The following STX6 variants were observed in gnomAD, a reference collection of about 807,000 sequenced individuals.
STX6 encodes the protein syntaxin 6.
In STX6, 23 loss-of-function variants were observed where a neutral mutation model predicts 38.0. That is an observed-to-expected ratio of 0.60 (90% CI 0.43 to 0.86). The LOEUF is 0.86. STX6 is among the 40% of genes least tolerant of loss of function. STX6 has a pLI of 0.00. For synonymous variants in STX6, 123 were observed against 107.5 expected, an observed-to-expected ratio of 1.14 and a Z score of -0.89; for missense variants, 274 against 312.9, an observed-to-expected ratio of 0.88 and a Z score of 0.94.
intron 7 of STX6, among the ~76,000 whole-genome samples, 161 bp from the exon 8 acceptor site, chr1:180,976,807 C>A (rs535314657): frequency 1.5e-4 from 23 of 152,230 alleles, no homozygotes; most frequent in Non-Finnish European, 3.1e-4. Flanking sequence ...TGCTCTAATG[C>A]TGCTCTGTTC....
intron 6 of STX6, 190 bp downstream of exon 6, chr1:180,988,049 T>G (rs186466956): frequency 9.3e-4 from 443 of 475,340 alleles, no homozygotes; most frequent in Admixed American, 2.3e-3. Flanking sequence ...ACCTAAAGCC[T>G]GTAGTAAAAT....
chr1:181,005,959 C>T (rs751524769), intron 1 of STX6, among the ~76,000 whole-genome samples: 3 of 152,022 alleles, frequency 2.0e-5, no homozygotes, highest in Admixed American at 6.6e-5. Context: ...TATTTTAATC[C>T]GAGAAATTCT....
intron 3 of STX6, among the ~76,000 whole-genome samples, chr1:180,997,885 CTAAT>C (rs1385696685): frequency 6.6e-6 from 1 of 152,142 alleles, no homozygotes; most frequent in Non-Finnish European, 1.5e-5. Context: ...ATTGTTGACA[CTAAT>C]TATTTCTAGG....
At chr1:181,006,825 G>A (rs1054300934) in intron 1 of STX6, among the ~76,000 whole-genome samples, 3 of 152,238 alleles carry the variant, frequency 2.0e-5, no homozygotes, top group Non-Finnish European at 2.9e-5. Context: ...GCTAAGAGGC[G>A]GAACGTTAAA....
In STX6 at chr1:181,022,839, T is replaced by C; in HGVS notation, c.-166A>G. 3 of 638,692 alleles carry C rather than the reference T, an allele frequency of 4.7e-6. No individual in the cohort carries two copies. Among genetic ancestry groups the C allele is most frequent in the Non-Finnish European group, 8.0e-6 (3 of 373,404 alleles). The allele number at this position is 638,692 out of a possible 1,614,324, so 39.6% of individuals were successfully genotyped here. A position where few individuals can be genotyped will look rare whatever the true frequency, so the allele number is the denominator to read the frequency against. ...GCCAGGTGCACAGGACGGCCGCTGGTCCAGCACTCGCTCAGCACCACTGGC... is the reference window on the plus strand; with the variant it reads ...GCCAGGTGCACAGGACGGCCGCTGGCCCAGCACTCGCTCAGCACCACTGGC... On this transcript the variant is annotated 5_prime_UTR_variant, in exon 1 of 8. Transcript: ENST00000258301.
intron 1 of STX6, among the ~76,000 whole-genome samples, chr1:181,010,762 C>T (rs1656368184): frequency 6.6e-6 from 1 of 151,976 alleles, no homozygotes; most frequent in Admixed American, 6.6e-5. Context: ...TTTTTGGCAC[C>T]ATCAGTGCAA....
chr1:180,992,108 T>G (rs1655772692), intron 4 of STX6, among the ~76,000 whole-genome samples: 1 of 151,952 alleles, frequency 6.6e-6, no homozygotes, highest in African/African-American at 2.4e-5. Context: ...CAAGTGCAAA[T>G]GAGAAGAGAA....
intron 1 of STX6, among the ~76,000 whole-genome samples, chr1:181,017,368 G>A (rs955127723): frequency 2.6e-5 from 4 of 152,170 alleles, no homozygotes; most frequent in Non-Finnish European, 5.9e-5. Flanking sequence ...ACTCCAGCCT[G>A]GGCAACAGAG....
At chr1:181,009,863 A>G (rs913339248) in intron 1 of STX6, among the ~76,000 whole-genome samples, 21 of 150,800 alleles carry the variant, frequency 1.4e-4, no homozygotes, top group African/African-American at 5.0e-4. Flanking sequence ...AAACTGTAGT[A>G]TATATGTATA....
chr1:181,020,105 CT>C (rs1656683120), intron 1 of STX6, among the ~76,000 whole-genome samples: 1 of 152,138 alleles, frequency 6.6e-6, no homozygotes, highest in Non-Finnish European at 1.5e-5. Flanking sequence ...GTCCCAGCTA[CT>C]CAGGAGGCTG....
At chr1:180,992,477 T>G (rs1001208812) in intron 4 of STX6, among the ~76,000 whole-genome samples, 1 of 152,232 alleles carries the variant, frequency 6.6e-6, no homozygotes, top group Non-Finnish European at 1.5e-5. Context: ...TTCATAACTT[T>G]CTGGAATCTT....
intron 1 of STX6, among the ~76,000 whole-genome samples, chr1:181,022,437 G>A (rs1656765544): frequency 6.6e-6 from 1 of 152,178 alleles, no homozygotes; most frequent in South Asian, 2.1e-4. Context: ...CTTGGCTGGG[G>A]ACAGTGGCTT....
chr1:181,015,820 C>T (rs1193991188), intron 1 of STX6, among the ~76,000 whole-genome samples: 2 of 152,138 alleles, frequency 1.3e-5, no homozygotes, highest in East Asian at 3.9e-4. Flanking sequence ...CCACCACACC[C>T]AGCTAATTTT....
intron 6 of STX6, among the ~76,000 whole-genome samples, 155 bp from the exon 7 acceptor site, chr1:180,984,926 A>G (rs761764876): frequency 1.3e-5 from 2 of 152,218 alleles, no homozygotes. Flanking sequence ...CCTTGGGACA[A>G]GATAGGATTT....
At chr1:181,009,705 T>C (rs1656338868) in intron 1 of STX6, among the ~76,000 whole-genome samples, 1 of 152,164 alleles carries the variant, frequency 6.6e-6, no homozygotes, top group Non-Finnish European at 1.5e-5. Flanking sequence ...GAAAGCACAA[T>C]AGTACAGCCA....
intron 1 of STX6, among the ~76,000 whole-genome samples, chr1:181,014,399 A>T (rs1333691587): frequency 6.6e-6 from 1 of 151,954 alleles, no homozygotes; most frequent in Non-Finnish European, 1.5e-5. Context: ...ATCTCAAAAA[A>T]AAAAAAGAAA....
chr1:180,977,549 T>C (rs1196097696), intron 7 of STX6, among the ~76,000 whole-genome samples: 1 of 152,174 alleles, frequency 6.6e-6, no homozygotes, highest in East Asian at 1.9e-4. Flanking sequence ...TTTGGAGACA[T>C]GTAGAAAAAA....
At chr1:181,016,006 T>C (rs1656546046) in intron 1 of STX6, among the ~76,000 whole-genome samples, 1 of 152,224 alleles carries the variant, frequency 6.6e-6, no homozygotes, top group Non-Finnish European at 1.5e-5. Context: ...GTTTGAACCC[T>C]TAAAAGCTGA....
chr1:181,016,859 G>A lies in STX6; in HGVS notation c.35+5780C>T, dbSNP rs547940512. ...CCAAGCACTTTGGGAGGCCGAGGCGGGCAGATCACCTGAGGTCAGGAGTTC... is the reference window on the plus strand; with the variant it reads ...CCAAGCACTTTGGGAGGCCGAGGCGAGCAGATCACCTGAGGTCAGGAGTTC... On this transcript the variant is annotated intron_variant, in intron 1 of 7. Coordinates refer to ENST00000258301, the MANE Select transcript of STX6 (RefSeq NM_005819.6). Among the ~76,000 whole-genome samples the A allele has an allele frequency of 9.9e-5, 15 of 152,100 alleles. No individual in the cohort carries two copies. In the South Asian group the frequency reaches 3.1e-3, roughly 32 times the overall value.
Sources: gnomAD v4.1 joint callset for allele counts (sites outside exome capture counted in the v4.1 genomes callset) on GRCh38, gnomAD v4.1.1 for gene constraint, MANE v1.5 for transcripts, NCBI Gene and HGNC (gene_info 2026-07-23, HGNC 2026-07-21) for gene names.